Variants in RAB31 observed in about 807,000 individuals in gnomAD.
RAB31 encodes the protein ras-related protein Rab-31.
RAB31 carries 21 observed loss-of-function variants against 25.6 expected under a neutral mutation model. The ratio of observed to expected loss-of-function variants is 0.82; its 90% CI spans 0.58 to 1.18. The LOEUF (loss-of-function observed/expected upper bound fraction) is 1.18. RAB31 is among the 50% of genes most tolerant of loss of function. RAB31 has a pLI of 0.00. For missense variants in RAB31, 196 were observed against 250.1 expected, an observed-to-expected ratio of 0.78 and a Z score of 1.46; for synonymous variants, 87 against 84.0, an observed-to-expected ratio of 1.04 and a Z score of -0.20.
At chr18:9,858,208 A>T (rs2068828917) in intron 6 of RAB31, among the ~76,000 whole-genome samples, 1 of 152,210 alleles carries the variant, frequency 6.6e-6, no homozygotes, top group Non-Finnish European at 1.5e-5. Context: ...CCTGTTATTG[A>T]TGGGACCTTC....
chr18:9,723,877 G>T (rs529882548), intron 1 of RAB31, among the ~76,000 whole-genome samples: 1 of 152,054 alleles, frequency 6.6e-6, no homozygotes, highest in Admixed American at 6.6e-5. Context: ...AACACCTCCC[G>T]CGAGGCCCAC....
intron 3 of RAB31, among the ~76,000 whole-genome samples, chr18:9,803,826 G>A (rs1021146203): frequency 2.0e-5 from 3 of 152,364 alleles, no homozygotes; most frequent in Middle Eastern, 3.4e-3. Flanking sequence ...AGCAGGGACT[G>A]CCTCGGTCCA....
Position 9,836,615 on chromosome 18 carries a change from G to A in RAB31, c.381-8967G>A, listed in dbSNP as rs571132786. ...GAACTGCTGGGAAGCTTGCTACAGT[G>A]TAGATTTCTGGGGCTTGCCCAGTAG... On this transcript the variant is annotated intron_variant, in intron 5 of 6. Coordinates refer to ENST00000578921, the MANE Select transcript of RAB31 (RefSeq NM_006868.4). Among the ~76,000 whole-genome samples, 4 of 152,338 alleles carry A rather than the reference G, an allele frequency of 2.6e-5. No homozygotes were observed. The South Asian group carries it at 8.3e-4, about 32-fold the overall frequency.
chr18:9,804,032 C>T (rs2267566), intron 3 of RAB31, among the ~76,000 whole-genome samples: 13,931 of 152,270 alleles, frequency 0.091, 667 homozygotes, highest in African/African-American at 0.12. Context: ...GCCCTGAGCC[C>T]GGGAGGTGGC....
chr18:9,836,341 A>G (rs2068704087), intron 5 of RAB31, among the ~76,000 whole-genome samples: 1 of 152,166 alleles, frequency 6.6e-6, no homozygotes, highest in Non-Finnish European at 1.5e-5. Context: ...TGTATGAACC[A>G]CCAGAGAATT....
At chr18:9,751,073 C>T (rs1222584428) in intron 1 of RAB31, among the ~76,000 whole-genome samples, 1 of 152,086 alleles carries the variant, frequency 6.6e-6, no homozygotes, top group Non-Finnish European at 1.5e-5. Flanking sequence ...CTCGCATGGT[C>T]ACCCGGGCTG....
intron 1 of RAB31, among the ~76,000 whole-genome samples, chr18:9,745,614 G>A (rs1158542937): frequency 6.6e-6 from 1 of 152,196 alleles, no homozygotes; most frequent in Non-Finnish European, 1.5e-5. Flanking sequence ...TCCCAGGAGT[G>A]CAAGGGTGGT....
chr18:9,798,484 G>C (rs1013655457), intron 3 of RAB31, among the ~76,000 whole-genome samples: 4 of 152,112 alleles, frequency 2.6e-5, no homozygotes, highest in East Asian at 3.8e-4. Flanking sequence ...TTGGAGTCCC[G>C]TGAATTTTAT....
chr18:9,735,313 C>CA, intron 1 of RAB31: 1 of 185,770 alleles, frequency 5.4e-6, no homozygotes, highest in South Asian at 1.2e-4. Context: ...CCACCATGCC[C>CA]GGCCCTCAGT....
chr18:9,834,504 C>T (rs771988287), intron 5 of RAB31, among the ~76,000 whole-genome samples: 2 of 152,138 alleles, frequency 1.3e-5, no homozygotes, highest in Admixed American at 6.5e-5. Flanking sequence ...GATCTCCTCA[C>T]TAATTCAGCT....
intron 6 of RAB31, chr18:9,856,468 A>G (rs1210354671): frequency 6.6e-6 from 1 of 152,178 alleles, no homozygotes; most frequent in Non-Finnish European, 1.5e-5. Context: ...CTTTTTCTTT[A>G]ATTTGTGTAC....
At chr18:9,771,681 C>T (rs935285133) in intron 1 of RAB31, among the ~76,000 whole-genome samples, 4 of 152,054 alleles carry the variant, frequency 2.6e-5, no homozygotes, top group Non-Finnish European at 5.9e-5. Context: ...GGTGGCCAGC[C>T]GAGGAACAGC....
At chr18:9,851,754 A>T (rs1221271742) in intron 6 of RAB31, among the ~76,000 whole-genome samples, 2 of 152,250 alleles carry the variant, frequency 1.3e-5, no homozygotes, top group Non-Finnish European at 2.9e-5. Context: ...AGGATGACAT[A>T]AATCTTTGTT....
intron 6 of RAB31, among the ~76,000 whole-genome samples, chr18:9,847,749 T>G (rs2068768832): frequency 6.6e-6 from 1 of 152,040 alleles, no homozygotes; most frequent in African/African-American, 2.4e-5. Flanking sequence ...AATTTTTGGA[T>G]TTTTAGTAGA....
intron 5 of RAB31, among the ~76,000 whole-genome samples, chr18:9,827,053 C>T (rs938785833): frequency 2.0e-5 from 3 of 152,010 alleles, no homozygotes; most frequent in Non-Finnish European, 2.9e-5. Context: ...ATTTCTTCTG[C>T]TTGATCTTGT....
intron 1 of RAB31, among the ~76,000 whole-genome samples, chr18:9,755,194 A>C (rs2068254817): frequency 6.6e-6 from 1 of 152,246 alleles, no homozygotes; most frequent in African/African-American, 2.4e-5. Context: ...CATTACTAAT[A>C]ACATGATTAG....
At chr18:9,842,668 A>C (rs1181690634) in intron 5 of RAB31, among the ~76,000 whole-genome samples, 1 of 152,172 alleles carries the variant, frequency 6.6e-6, no homozygotes, top group East Asian at 1.9e-4. Flanking sequence ...ACTGCAGTGC[A>C]TGTGACAGTT....
chr18:9,842,666 G>T (rs1006207300), intron 5 of RAB31, among the ~76,000 whole-genome samples: 28 of 152,152 alleles, frequency 1.8e-4, no homozygotes, highest in Non-Finnish European at 7.3e-5. Context: ...CAACTGCAGT[G>T]CATGTGACAG....
At chr18:9,826,933 C>T (rs192886152) in intron 5 of RAB31, among the ~76,000 whole-genome samples, 1 of 152,310 alleles carries the variant, frequency 6.6e-6, no homozygotes. Flanking sequence ...CTCCCTCACA[C>T]TTCCTCTGAC....
Sources: gnomAD v4.1 joint callset for allele counts (sites outside exome capture counted in the v4.1 genomes callset) on GRCh38, gnomAD v4.1.1 for gene constraint, MANE v1.5 for transcripts, NCBI Gene and HGNC (gene_info 2026-07-23, HGNC 2026-07-21) for gene names.